Variants in SCMH1 observed in about 807,000 individuals in gnomAD.
The protein encoded by SCMH1 is Scm polycomb group protein homolog 1, also known as polycomb protein SCMH1.
Under a neutral mutation model 70.8 loss-of-function variants are expected in SCMH1, and 37 were observed. That is an observed-to-expected ratio of 0.52 (90% CI 0.40 to 0.69). The LOEUF is 0.69. Among genes scored for constraint, SCMH1 ranks in the 30% least tolerant of loss-of-function variants. The probability of loss-of-function intolerance (pLI) is 0.00; values close to 1 mark genes in which losing one functional copy is unlikely to be tolerated. For synonymous variants in SCMH1, 292 were observed against 307.4 expected (o/e 0.95, Z 0.52); for missense variants, 607 against 827.3 (o/e 0.73, Z 3.27).
intron 8 of SCMH1, among the ~76,000 whole-genome samples, chr1:41,107,095 C>T (rs1369587495): frequency 6.6e-6 from 1 of 151,132 alleles, no homozygotes; most frequent in African/African-American, 2.4e-5. Context: ...CCTTCCCATT[C>T]TTAAGGTTTC....
chr1:41,113,490 C>T lies in SCMH1; in HGVS notation c.538G>A (p.Gly180Arg), dbSNP rs1669728157. The T allele has an allele frequency of 6.2e-7, 1 of 1,613,668 alleles. No individual in the cohort carries two copies. The highest frequency in any genetic ancestry group is 8.5e-7 in the Non-Finnish European group (1 of 1,179,898). Residue 180 changes from glycine (G) to arginine (R), a missense_variant, in exon 8 of 15, where the codon GGA (glycine) becomes AGA (arginine). By Grantham distance (125) the Gly-to-Arg change is moderately radical. Transcript: ENST00000337495. The surrounding 1 kb of genome is among the most constrained non-coding windows in gnomAD (Gnocchi z 4.3). Reference sequence around the variant, plus strand: ...CTGTCCACAGCTTCTAGCTTCATTCCCATTTTGAAGAAGTTGTGGGAAGGC... The same window carrying T: ...CTGTCCACAGCTTCTAGCTTCATTCTCATTTTGAAGAAGTTGTGGGAAGGC...
intron 6 of SCMH1, among the ~76,000 whole-genome samples, chr1:41,121,289 A>C (rs577773506): frequency 5.3e-5 from 8 of 152,336 alleles, no homozygotes; most frequent in African/African-American, 1.9e-4. Context: ...TAAAATATCC[A>C]AAGTTAGTAA....
intron 2 of SCMH1, among the ~76,000 whole-genome samples, chr1:41,176,325 G>A (rs888201764): frequency 4.6e-5 from 7 of 152,098 alleles, no homozygotes; most frequent in Admixed American, 3.9e-4. Flanking sequence ...CAGCATGAGC[G>A]ACACAGAAGA....
At chr1:41,216,199 A>T (rs1658037082) in intron 1 of SCMH1, among the ~76,000 whole-genome samples, 1 of 152,238 alleles carries the variant, frequency 6.6e-6, no homozygotes, top group Non-Finnish European at 1.5e-5. Flanking sequence ...GCCATGGATA[A>T]GCCTTCTTCA....
At chr1:41,210,517 C>T (rs1178109462) in intron 1 of SCMH1, among the ~76,000 whole-genome samples, 1 of 152,084 alleles carries the variant, frequency 6.6e-6, no homozygotes, top group African/African-American at 2.4e-5. Flanking sequence ...GATGTATAGA[C>T]CAATGGAACA....
intron 1 of SCMH1, among the ~76,000 whole-genome samples, chr1:41,218,011 C>T (rs765561276): frequency 6.6e-6 from 1 of 152,154 alleles, no homozygotes; most frequent in Non-Finnish European, 1.5e-5. Context: ...GGCTTCAAAG[C>T]AGATGGGAAT....
chr1:41,203,086 A>G (rs1459202140), intron 1 of SCMH1, among the ~76,000 whole-genome samples: 1 of 152,110 alleles, frequency 6.6e-6, no homozygotes, highest in Non-Finnish European at 1.5e-5. Context: ...CCAGTATATC[A>G]TATTATTTTG....
chr1:41,088,968 T>G (rs74069003), intron 8 of SCMH1, among the ~76,000 whole-genome samples: 30 of 152,286 alleles, frequency 2.0e-4, no homozygotes, highest in Non-Finnish European at 4.1e-4. Context: ...ACTCTAGTCC[T>G]TAGGTAAGTG....
At chr1:41,148,106 T>C (rs1331577333) in intron 5 of SCMH1, among the ~76,000 whole-genome samples, 1 of 152,212 alleles carries the variant, frequency 6.6e-6, no homozygotes, top group Non-Finnish European at 1.5e-5. Flanking sequence ...CAAACATCTT[T>C]AACTTACCAC....
At chr1:41,130,767 GCCCAATA>G (rs1048894997) in intron 6 of SCMH1, among the ~76,000 whole-genome samples, 27 of 152,014 alleles carry the variant, frequency 1.8e-4, no homozygotes, top group African/African-American at 6.5e-4. Flanking sequence ...CCAAAAAGAG[GCCCAATA>G]CCTATTAGCA....
chr1:41,066,779 G>C (rs901619034), intron 10 of SCMH1, among the ~76,000 whole-genome samples: 6 of 151,916 alleles, frequency 3.9e-5, no homozygotes, highest in African/African-American at 1.5e-4. Context: ...AGTGGAGATA[G>C]GGGTCTCATG....
intron 2 of SCMH1, chr1:41,185,871 C>T (rs936134611): frequency 7.5e-6 from 2 of 265,294 alleles, no homozygotes; most frequent in African/African-American, 4.5e-5. Context: ...GTGATCCGCC[C>T]ACCTTGGCTT....
chr1:41,129,907 A>G (rs1674210535), intron 6 of SCMH1, among the ~76,000 whole-genome samples: 1 of 152,126 alleles, frequency 6.6e-6, no homozygotes, highest in Admixed American at 6.5e-5. Flanking sequence ...CAGGTGCATG[A>G]TATTTTTAAC....
chr1:41,112,834 T>C (rs966455054), intron 8 of SCMH1, among the ~76,000 whole-genome samples: 1 of 152,184 alleles, frequency 6.6e-6, no homozygotes, highest in Non-Finnish European at 1.5e-5. Flanking sequence ...CAAACCCATG[T>C]CTATCTTACT....
upstream of SCMH1, chr1:41,242,187 G>A (rs1277823445): frequency 6.8e-6 from 1 of 146,818 alleles, no homozygotes; most frequent in Non-Finnish European, 1.5e-5. This position sits in a 1 kb window ranked among gnomAD's most constrained non-coding sequence, Gnocchi z 5.2. Context: ...GGCGGGCGGC[G>A]GGGGGCTCCA....
At chr1:41,225,698 G>T (rs928702866) in intron 1 of SCMH1, among the ~76,000 whole-genome samples, 4 of 152,178 alleles carry the variant, frequency 2.6e-5, no homozygotes, top group African/African-American at 4.8e-5. Context: ...AAGGAAAGTG[G>T]AAAAGTAATA....
At chr1:41,182,572 G>A (rs1223995811) in intron 2 of SCMH1, among the ~76,000 whole-genome samples, 1 of 151,998 alleles carries the variant, frequency 6.6e-6, no homozygotes, top group Non-Finnish European at 1.5e-5. Flanking sequence ...TAAAAAATTA[G>A]CTAGGTGTGG....
chr1:41,180,496 A>G (rs1370163546), intron 2 of SCMH1, among the ~76,000 whole-genome samples: 2 of 152,248 alleles, frequency 1.3e-5, no homozygotes, highest in Non-Finnish European at 2.9e-5. Context: ...AACTTCAGCA[A>G]AGTCTCAGGA....
chr1:41,196,362 A>T (rs560777312), intron 1 of SCMH1, among the ~76,000 whole-genome samples: 14 of 152,304 alleles, frequency 9.2e-5, no homozygotes, highest in African/African-American at 3.4e-4. Flanking sequence ...TGGCATAAGG[A>T]TAGATAAGCA....
Sources: allele counts gnomAD v4.1 joint callset (sites outside exome capture counted in the v4.1 genomes callset), GRCh38; gene constraint gnomAD v4.1.1; non-coding constraint Gnocchi (gnomAD v3.1); transcripts MANE v1.5; gene names NCBI Gene and HGNC (gene_info 2026-07-23, HGNC 2026-07-21).